GFI1: variants seen among roughly 807,000 people sequenced by gnomAD.
GFI1 encodes the protein zinc finger protein Gfi-1.
A neutral mutation model predicts 39.2 loss-of-function variants in GFI1; 15 were observed. That is an observed-to-expected ratio of 0.38 (90% CI 0.26 to 0.59). The LOEUF is 0.59. Ranked by LOEUF, GFI1 falls within the 20% of genes least tolerant of loss-of-function variation. The pLI, the probability that GFI1 is intolerant of heterozygous loss-of-function variation, is 0.62. For missense variants in GFI1, 475 were observed against 574.0 expected (o/e 0.83, Z 1.76); for synonymous variants, 239 against 254.3 (o/e 0.94, Z 0.57).
Position 92,480,810 on chromosome 1 carries a change from C to T in GFI1, c.577G>A (p.Ala193Thr), listed in dbSNP as rs765205557. 8 of 1,578,562 alleles carry T rather than the reference C, an allele frequency of 5.1e-6. No homozygotes were observed. The highest frequency in any genetic ancestry group is 1.2e-5 in the South Asian group (1 of 86,846). The change falls in exon 4 of 7, where the codon GCT (alanine) becomes ACT (threonine). Residue 193 changes from alanine to threonine, a missense_variant. Ala to Thr is a moderately conservative substitution (Grantham distance 58). This residue lies in a region of GFI1 where 275 missense variants were observed against 275.8 expected (regional missense o/e 1.00). Coordinates refer to ENST00000294702, the MANE Select transcript of GFI1 (RefSeq NM_005263.5). This position sits in a 1 kb window ranked among gnomAD's most constrained non-coding sequence, Gnocchi z 5.6. ...GSCSAGAGAT[A>T]GPGLGLYGDF... ...CCGTAGAGCCCTAGGCCAGGGCCAG[C>T]GGTGGCACCGGCCCCTGCGCTGCAG...
At chr1:92,486,228 G>A (rs1266274802) in intron 1 of GFI1, among the ~76,000 whole-genome samples, 1 of 152,130 alleles carries the variant, frequency 6.6e-6, no homozygotes, top group African/African-American at 2.4e-5. Context: ...GGCCGGGCGC[G>A]CTCCTTTGCG....
rs554378173 is a variant in GFI1 at position 92,483,172 on chromosome 1, G to C, written c.116-126C>G. ...CCCCTCTCCACCCAGACCCCGGCCG[G>C]GAACCCTCTCGGATCCGAGGGCAGG... On this transcript the variant is annotated intron_variant, in intron 2 of 6. Transcript: ENST00000294702. 7.3e-5 allele frequency: 70 copies of C among 954,014 alleles called. No individual in the cohort carries two copies. In the African/African-American group the frequency reaches 8.9e-4, roughly 12 times the overall value. 59.1% of individuals were successfully genotyped at this position (954,014 alleles called of 1,614,324 possible). A position where few individuals can be genotyped will look rare whatever the true frequency, so the allele number is the denominator to read the frequency against.
Position 92,475,876 on chromosome 1 carries a change from C to A in GFI1, c.*153G>T, listed in dbSNP as rs138224605. On this transcript the variant is annotated 3_prime_UTR_variant, in exon 7 of 7. Coordinates refer to ENST00000294702, the MANE Select transcript of GFI1 (RefSeq NM_005263.5). ...CTTCTGGCAGCTCCAGGAGGTAAGG[C>A]GAAGGAGGAGCAACCTGGTAGGATC... The A allele has an allele frequency of 4.5e-5, 32 of 706,748 alleles. No individual in the cohort carries two copies. In the African/African-American group the frequency reaches 5.1e-4, roughly 11 times the overall value. The allele number at this position is 706,748 out of a possible 1,614,324, so 43.8% of individuals were successfully genotyped here.
In GFI1 at chr1:92,476,222, G is replaced by T. The variant is rs932185442; in HGVS notation, c.1091-15C>A. The T allele has an allele frequency of 2.5e-6, 4 of 1,606,898 alleles. No homozygotes were observed. The South Asian group carries it at 3.3e-5, about 13-fold the overall frequency. On this transcript the variant is annotated splice_polypyrimidine_tract_variant and intron_variant, in intron 6 of 6. Transcript: ENST00000294702. ...AGGCTTCTCACCTGTGGGGATGGGA[G>T]GGGGAGGGGAGAAAGTATGAGTCTA...
At chr1:92,476,931 T>C (rs1013002071) in intron 6 of GFI1, among the ~76,000 whole-genome samples, 3 of 152,226 alleles carry the variant, frequency 2.0e-5, no homozygotes, top group African/African-American at 7.2e-5. Flanking sequence ...TGATTCTTTA[T>C]ATACCAGCAA....
At position 92,480,973 on chromosome 1, in the gene GFI1, G is replaced by A. The variant is rs764432261; in HGVS notation, c.414C>T (p.Ser138=). ...GCTCCAGGGCCCCACACGGTCGGTA[G>A]CTCTGCACCAGGTGCCGCAGGTCAG... The part of the protein sequence containing the change: ...AGSDLRHLVQ[S]YRPCGALERG... Residue 138 remains serine, a synonymous_variant, in exon 4 of 7, where the codon AGC becomes AGT. Transcript: ENST00000294702. This position sits in a 1 kb window ranked among gnomAD's most constrained non-coding sequence, Gnocchi z 5.6. The A allele has an allele frequency of 1.2e-6, 2 of 1,602,902 alleles. No individual in the cohort carries two copies. Among genetic ancestry groups the A allele is most frequent in the Non-Finnish European group, 1.7e-6 (2 of 1,175,426 alleles).
rs1033339135 is a variant in GFI1, at chr1:92,473,327, C to G, written c.*2702G>C. On this transcript the variant is annotated 3_prime_UTR_variant, in exon 7 of 7. Transcript: ENST00000294702. The stretch of plus-strand genomic sequence containing the variant: ...GGCACCTAGATTTCAATCAGTTCTA[C>G]TTACCCCTCAGTGCAACTTCTTTAC... Among the ~76,000 whole-genome samples, 3 of 152,150 alleles carry G rather than the reference C, an allele frequency of 2.0e-5. No homozygotes were observed. Among genetic ancestry groups the G allele is most frequent in the Non-Finnish European group, 4.4e-5 (3 of 68,028 alleles).
chr1:92,475,701 A>T lies in GFI1; in HGVS notation c.*328T>A, dbSNP rs1657927675. 1 of 376,972 alleles carries T rather than the reference A, an allele frequency of 2.7e-6. No individual in the cohort carries two copies. The highest frequency in any genetic ancestry group is 5.0e-6 in the Non-Finnish European group (1 of 198,734). The allele number at this position is 376,972 out of a possible 1,614,324, so 23.4% of individuals were successfully genotyped here. ...ATTCCTGTCTGTAGATTAGGGCTGG[A>T]AATGGGAAGGACTGTGGGGTCTAAG... On this transcript the variant is annotated 3_prime_UTR_variant, in exon 7 of 7. Transcript: ENST00000294702.
chr1:92,486,885 G>T lies in GFI1; in HGVS notation c.-259C>A, dbSNP rs2101590922. Reference sequence around the variant, plus strand: ...CCGGTGGGCGCACCCTCCCTGCGCGGAGCTCGCCGGCTCTCGACCGGGTCC... The same window carrying T: ...CCGGTGGGCGCACCCTCCCTGCGCGTAGCTCGCCGGCTCTCGACCGGGTCC... On this transcript the variant is annotated 5_prime_UTR_variant, in exon 1 of 7. Coordinates refer to ENST00000294702, the MANE Select transcript of GFI1 (RefSeq NM_005263.5). The T allele has an allele frequency of 6.6e-6, 1 of 152,168 alleles. No homozygotes were observed. Among genetic ancestry groups the T allele is most frequent in the Non-Finnish European group, 1.5e-5 (1 of 67,966 alleles). 9.4% of individuals were successfully genotyped at this position (152,168 alleles called of 1,614,324 possible).
intron 1 of GFI1, 145 bp downstream of exon 1, chr1:92,486,581 C>A (rs1429087660): frequency 6.9e-6 from 1 of 145,538 alleles, no homozygotes; most frequent in Non-Finnish European, 1.5e-5. Flanking sequence ...GGGTCGGGAC[C>A]GTGAATCACC....
Position 92,480,358 on chromosome 1 carries a change from A to T in GFI1, c.914T>A (p.Val305Glu). The T allele has an allele frequency of 1.3e-6, 2 of 1,549,738 alleles. No homozygotes were observed. Among genetic ancestry groups the T allele is most frequent in the South Asian group, 1.2e-5 (1 of 84,030 alleles). ...GCGCCCCGCGCTTACCTGCGAGTGC[A>T]CGGCTTTGTGCTGCTCCAGGCTCAC... is the stretch of plus-strand genomic sequence containing the variant. Reference protein sequence around the residue: ...HAVSLEQHKAVHSQERSFDCK... With the variant: ...HAVSLEQHKAEHSQERSFDCK... Residue 305 changes from valine to glutamate, a missense_variant, in exon 5 of 7, where the codon GTG (valine) becomes GAG (glutamate). By Grantham distance (121) the Val-to-Glu change is moderately radical (BLOSUM62 -2). Coordinates refer to ENST00000294702, the MANE Select transcript of GFI1 (RefSeq NM_005263.5). The surrounding 1 kb of genome is among the most constrained non-coding windows in gnomAD (Gnocchi z 5.6).
rs761138582 is a variant in GFI1 at position 92,483,513 on chromosome 1, GC to G, written c.-27del. On this transcript the variant is annotated 5_prime_UTR_variant, in exon 2 of 7. Coordinates refer to ENST00000294702, the MANE Select transcript of GFI1 (RefSeq NM_005263.5). ...GGTGGTCCGGCACTTTCCCCACTGCGCCCCAAGAGTCCCTGGAGCCGCTGTC... is the reference window on the plus strand; with the variant it reads ...GGTGGTCCGGCACTTTCCCCACTGCGCCCAAGAGTCCCTGGAGCCGCTGTC... 1 of 1,352,728 alleles carries G rather than the reference GC, an allele frequency of 7.4e-7. No individual in the cohort carries two copies. Among genetic ancestry groups the G allele is most frequent in the African/African-American group, 1.4e-5 (1 of 69,706 alleles). 83.8% of individuals were successfully genotyped at this position (1,352,728 alleles called of 1,614,324 possible). A position where few individuals can be genotyped will look rare whatever the true frequency, so the allele number is the denominator to read the frequency against.
At position 92,480,315 on chromosome 1, in the gene GFI1, A is replaced by AGGGCCGCGCGCGGCGGT. The variant is rs1658163188; in HGVS notation, c.924+16_924+32dup. ...GAGGAGATGCAGAAGATCCCCGAGC[A>AGGGCCGCGCGCGGCGGT]GGGCCGCGCGCGGCGGTGCGCCCCG... On this transcript the variant is annotated intron_variant, in intron 5 of 6. Coordinates refer to ENST00000294702, the MANE Select transcript of GFI1 (RefSeq NM_005263.5). The surrounding 1 kb of genome is among the most constrained non-coding windows in gnomAD (Gnocchi z 5.6). 1 of 1,542,142 alleles carries AGGGCCGCGCGCGGCGGT rather than the reference A, an allele frequency of 6.5e-7. No homozygotes were observed. Among genetic ancestry groups the AGGGCCGCGCGCGGCGGT allele is most frequent in the African/African-American group, 1.4e-5 (1 of 73,070 alleles).
rs374783582 is a variant in GFI1, at chr1:92,476,110, G to A, written c.1188C>T (p.Phe396=). 62 of 1,613,932 alleles carry A rather than the reference G, an allele frequency of 3.8e-5. No homozygotes were observed. In the Admixed American group the frequency reaches 4.2e-4, roughly 11 times the overall value. The part of the protein sequence containing the change: ...HSRKHTGFKP[F]GCDLCGKGFQ... ...AACCCTTCCCACAGAGGTCGCAGCCGAAGGGCTTGAAGCCTGTGTGTTTGC... is the reference window on the plus strand; with the variant it reads ...AACCCTTCCCACAGAGGTCGCAGCCAAAGGGCTTGAAGCCTGTGTGTTTGC... Residue 396 remains phenylalanine (F), a synonymous_variant, in exon 7 of 7, where the codon TTC becomes TTT. Transcript: ENST00000294702.
At position 92,480,605 on chromosome 1, in the gene GFI1, C is replaced by G; in HGVS notation, c.782G>C (p.Ser261Thr). 7 of 1,555,562 alleles carry G rather than the reference C, an allele frequency of 4.5e-6. No individual in the cohort carries two copies. The highest frequency in any genetic ancestry group is 6.1e-6 in the Non-Finnish European group (7 of 1,155,290). ...TGGTGAGCTCGGGAGCCTCACCTTG[C>G]TGCACTTGATGCACTTGTAGGAGCC... ...GGGSYKCIKC[S>T]KVFSTPHGLE... The change falls in exon 4 of 7, where the codon AGC becomes ACC. Residue 261 changes from serine to threonine, a missense_variant. Physicochemically the swap from Ser to Thr is moderately conservative, Grantham distance 58. Around this residue, in one of 4 missense-constraint regions of GFI1, gnomAD observed 79 missense variants for 68.4 expected, o/e 1.15. Coordinates refer to ENST00000294702, the MANE Select transcript of GFI1 (RefSeq NM_005263.5). This position sits in a 1 kb window ranked among gnomAD's most constrained non-coding sequence, Gnocchi z 5.6.
chr1:92,479,588 A>T (rs1210144149), intron 5 of GFI1, among the ~76,000 whole-genome samples: 1 of 152,192 alleles, frequency 6.6e-6, no homozygotes, highest in Non-Finnish European at 1.5e-5. Flanking sequence ...ATGGTGGCTC[A>T]CGCCTGTAAT....
Position 92,481,352 on chromosome 1 carries a change from G to C in GFI1, c.299-264C>G, listed in dbSNP as rs1658243701. Among the ~76,000 whole-genome samples, 1 of 152,222 alleles carries C rather than the reference G, an allele frequency of 6.6e-6. No homozygotes were observed. Reference sequence around the variant, plus strand: ...AGGTCGTAAATTCTGTGCGAGTGCAGCGGAGGCGCTCGGCGTTCCGAGGAT... The same window carrying C: ...AGGTCGTAAATTCTGTGCGAGTGCACCGGAGGCGCTCGGCGTTCCGAGGAT... On this transcript the variant is annotated intron_variant, in intron 3 of 6. Transcript: ENST00000294702. This position sits in a 1 kb window ranked among gnomAD's most constrained non-coding sequence, Gnocchi z 4.3.
In GFI1 at chr1:92,478,763, G is replaced by A. The variant is rs1557667814; in HGVS notation, c.925-10C>T. The stretch of plus-strand genomic sequence containing the variant: ...AGTCAAAGCTCCGTTCCTGCAGAGA[G>A]AGAGAGAGAGAGAGAGAGAGAGAGA... On this transcript the variant is annotated splice_polypyrimidine_tract_variant and intron_variant, in intron 5 of 6. Coordinates refer to ENST00000294702, the MANE Select transcript of GFI1 (RefSeq NM_005263.5). 9.7e-7 allele frequency: 1 copy of A among 1,028,892 alleles called. No individual in the cohort carries two copies. Among genetic ancestry groups the A allele is most frequent in the Non-Finnish European group, 1.4e-6 (1 of 726,040 alleles). The allele number at this position is 1,028,892 out of a possible 1,614,324, so 63.7% of individuals were successfully genotyped here.
intron 6 of GFI1, among the ~76,000 whole-genome samples, 182 bp downstream of exon 6, chr1:92,478,406 C>G (rs1048127558): frequency 6.6e-6 from 1 of 152,174 alleles, no homozygotes; most frequent in Non-Finnish European, 1.5e-5. Context: ...CAAGGTGGCT[C>G]TGGGGAGAAT....
Sources: gnomAD v4.1 joint callset for allele counts (sites outside exome capture counted in the v4.1 genomes callset) on GRCh38, gnomAD v4.1.1 for gene constraint, gnomAD v4.1.1 regional missense constraint, Gnocchi (gnomAD v3.1) non-coding constraint, MANE v1.5 for transcripts, NCBI Gene and HGNC (gene_info 2026-07-23, HGNC 2026-07-21) for gene names.